The following DCLK1 variants were observed in gnomAD, a reference collection of about 807,000 sequenced individuals.
DCLK1 encodes the protein serine/threonine-protein kinase DCLK1.
DCLK1 carries 16 observed loss-of-function variants against 86.2 expected under a neutral mutation model. The observed-to-expected ratio is 0.19, with a 90% CI of 0.13 to 0.28. DCLK1 has a LOEUF of 0.28. DCLK1 is among the 10% of genes least tolerant of loss of function. The probability of loss-of-function intolerance (pLI) is 1.00; values close to 1 mark genes in which losing one functional copy is unlikely to be tolerated. For missense variants in DCLK1, 590 were observed against 940.2 expected (o/e 0.63, Z 4.87); for synonymous variants, 369 against 370.5 (o/e 1.00, Z 0.05).
chr13:35,787,543 T>C (rs541060697), intron 16 of DCLK1, among the ~76,000 whole-genome samples: 8 of 152,270 alleles, frequency 5.3e-5, no homozygotes, highest in African/African-American at 1.9e-4. Flanking sequence ...TAATCCCTTT[T>C]GCTTGAGCAG....
chr13:35,790,535 C>A (rs544487152), intron 16 of DCLK1, among the ~76,000 whole-genome samples: 1 of 152,032 alleles, frequency 6.6e-6, no homozygotes, highest in African/African-American at 2.4e-5. Context: ...ATGGTAAAGG[C>A]GGTTTAAAAT....
intron 14 of DCLK1, among the ~76,000 whole-genome samples, chr13:35,807,455 T>C (rs1026652987): frequency 1.3e-5 from 2 of 152,218 alleles, no homozygotes; most frequent in Non-Finnish European, 2.9e-5. Context: ...CATAAAGTCT[T>C]TCTTGATGAT....
At chr13:35,914,153 T>C (rs1024521801) in intron 4 of DCLK1, among the ~76,000 whole-genome samples, 37 of 151,352 alleles carry the variant, frequency 2.4e-4, no homozygotes, top group Non-Finnish European at 4.1e-4. Context: ...CACGCGTCTC[T>C]ACAAAAAATA....
rs989559130 is a variant in DCLK1 at position 35,990,029 on chromosome 13, T to A, written c.724-42572A>T. 2.0e-5 allele frequency among the ~76,000 whole-genome samples: 3 copies of A among 152,158 alleles called. No homozygotes were observed. In the South Asian group the frequency reaches 6.2e-4, roughly 32 times the overall value. On this transcript the variant is annotated intron_variant, in intron 3 of 16. Transcript: ENST00000360631. ...ATCAGTCTTAATTACATTTTTTACA[T>A]ATGTCTACTAAAAATATGAAAATTA...
At chr13:35,802,347 A>T (rs2086938639) in intron 15 of DCLK1, among the ~76,000 whole-genome samples, 1 of 151,510 alleles carries the variant, frequency 6.6e-6, no homozygotes, top group Non-Finnish European at 1.5e-5. Flanking sequence ...AAAAAAAAAA[A>T]AGTAAAATGA....
chr13:35,786,301 A>G (rs146645180), intron 16 of DCLK1, among the ~76,000 whole-genome samples: 228 of 152,376 alleles, frequency 1.5e-3, no homozygotes, highest in African/African-American at 5.3e-3. Context: ...TAACACAAAT[A>G]TGCACAACTA....
intron 3 of DCLK1, among the ~76,000 whole-genome samples, chr13:35,955,942 G>A (rs941027189): frequency 6.6e-6 from 1 of 152,164 alleles, no homozygotes; most frequent in Non-Finnish European, 1.5e-5. Context: ...ATCTGGGAAA[G>A]AGAGGTATGA....
intron 3 of DCLK1, among the ~76,000 whole-genome samples, chr13:36,029,045 C>T (rs1415215129): frequency 6.6e-6 from 1 of 152,216 alleles, no homozygotes; most frequent in Non-Finnish European, 1.5e-5. Context: ...TGGGGCTGCT[C>T]TGCCTATGCA....
chr13:35,776,186 A>G (rs1278171936), intron 16 of DCLK1, among the ~76,000 whole-genome samples: 1 of 152,200 alleles, frequency 6.6e-6, no homozygotes. Flanking sequence ...TGATTTTATG[A>G]TATTTTCAGT....
intron 3 of DCLK1, among the ~76,000 whole-genome samples, chr13:36,109,523 G>A (rs1885535143): frequency 6.6e-6 from 1 of 152,180 alleles, no homozygotes; most frequent in East Asian, 1.9e-4. Flanking sequence ...GGGATAATAA[G>A]CAAGTTGTTA....
chr13:35,860,455 C>T (rs1222407647), intron 5 of DCLK1, among the ~76,000 whole-genome samples: 1 of 151,988 alleles, frequency 6.6e-6, no homozygotes, highest in Non-Finnish European at 1.5e-5. Context: ...CTGATTTTCT[C>T]CATGTCTGTT....
chr13:35,938,165 G>A (rs545037366), intron 4 of DCLK1, among the ~76,000 whole-genome samples: 1 of 152,170 alleles, frequency 6.6e-6, no homozygotes, highest in Non-Finnish European at 1.5e-5. Context: ...GGTCTAGAAG[G>A]AAAAGAAATA....
chr13:35,817,543 T>A (rs1247473748), intron 11 of DCLK1, among the ~76,000 whole-genome samples: 1 of 152,178 alleles, frequency 6.6e-6, no homozygotes, highest in Admixed American at 6.5e-5. Flanking sequence ...TATCTTCTCT[T>A]TAATTTTAGT....
At chr13:35,860,325 G>A (rs1871309727) in intron 5 of DCLK1, among the ~76,000 whole-genome samples, 1 of 151,608 alleles carries the variant, frequency 6.6e-6, no homozygotes. Flanking sequence ...GGGGTGGGGG[G>A]TGCATAGGGA....
intron 15 of DCLK1, among the ~76,000 whole-genome samples, chr13:35,805,006 A>C (rs547326827): frequency 3.3e-5 from 5 of 152,200 alleles, no homozygotes; most frequent in Non-Finnish European, 5.9e-5. Context: ...GGAGTAGCCC[A>C]AGGTTTATGT....
chr13:36,060,330 C>G (rs1336847695), intron 3 of DCLK1, among the ~76,000 whole-genome samples: 2 of 152,136 alleles, frequency 1.3e-5, no homozygotes, highest in African/African-American at 4.8e-5. Context: ...TACTACGTCA[C>G]TCTTTCATAG....
intron 15 of DCLK1, among the ~76,000 whole-genome samples, chr13:35,799,781 C>G (rs1456507192): frequency 2.0e-5 from 3 of 151,996 alleles, no homozygotes; most frequent in African/African-American, 4.8e-5. Context: ...TGTTTATGAA[C>G]TTATCATGAA....
chr13:35,829,176 C>T (rs995185194), intron 8 of DCLK1, among the ~76,000 whole-genome samples: 2 of 152,214 alleles, frequency 1.3e-5, no homozygotes, highest in African/African-American at 2.4e-5. Context: ...AACGCCGCCC[C>T]TCCTCTGTGA....
chr13:35,785,835 T>C (rs1445652155), intron 16 of DCLK1, among the ~76,000 whole-genome samples: 1 of 152,200 alleles, frequency 6.6e-6, no homozygotes, highest in Non-Finnish European at 1.5e-5. Flanking sequence ...CTCCCACTTC[T>C]GCGGAGATAA....
Sources: allele counts gnomAD v4.1 joint callset (sites outside exome capture counted in the v4.1 genomes callset), GRCh38; gene constraint gnomAD v4.1.1; transcripts MANE v1.5; gene names NCBI Gene and HGNC (gene_info 2026-07-23, HGNC 2026-07-21).